The following APOB variants were observed in gnomAD, a reference collection of about 807,000 sequenced individuals.
APOB encodes apolipoprotein B.
Under a neutral mutation model 314.1 loss-of-function variants are expected in APOB, and 153 were observed. That is an observed-to-expected ratio of 0.49 (90% CI 0.43 to 0.56). APOB has a LOEUF of 0.56. APOB is among the 20% of genes least tolerant of loss of function. The pLI, the probability that APOB is intolerant of heterozygous loss-of-function variation, is 0.00. For missense variants in APOB, 5,430 were observed against 5,350.7 expected, an observed-to-expected ratio of 1.01 and a Z score of -0.46; for synonymous variants, 2,087 against 2,036.4, an observed-to-expected ratio of 1.02 and a Z score of -0.67.
chr2:21,016,722 C>G, intron 20 of APOB, 73 bp from the exon 21 acceptor site: 1 of 964,888 alleles, frequency 1.0e-6, no homozygotes, highest in Non-Finnish European at 1.7e-6. Flanking sequence ...CGGTGGCTCA[C>G]ACCTGTAATC....
rs746232881 is a variant in APOB at position 21,012,293 on chromosome 2, G to A, written c.4575C>T (p.Ser1525=). Residue 1525 remains serine (S), a synonymous_variant, in exon 26 of 29, where the codon TCC becomes TCT. Transcript: ENST00000233242. ...TTATCTGGTTGGTGCCTTGGAGGTAGGAGGAGTTAAACCTCAGGTTGGACT... is the reference window on the plus strand; with the variant it reads ...TTATCTGGTTGGTGCCTTGGAGGTAAGAGGAGTTAAACCTCAGGTTGGACT... ...NGESNLRFNS[S]YLQGTNQITG... 2 of 1,614,100 alleles carry A rather than the reference G, an allele frequency of 1.2e-6. No individual in the cohort carries two copies. The highest frequency in any genetic ancestry group is 1.7e-6 in the Non-Finnish European group (2 of 1,180,014).
At chr2:21,004,132 C>T (rs950946342) in intron 28 of APOB, 137 bp downstream of exon 28, 19 of 832,116 alleles carry the variant, frequency 2.3e-5, no homozygotes, top group Middle Eastern at 5.8e-4. Context: ...GAGAATATTT[C>T]CTCAGAGAAG....
At chr2:21,027,784 G>T in intron 14 of APOB, 44 bp downstream of exon 14, 2 of 1,450,884 alleles carry the variant, frequency 1.4e-6, no homozygotes, top group Non-Finnish European at 1.9e-6. Flanking sequence ...TGTTTATGAT[G>T]CTGTACAAAA....
chr2:21,006,755 T>A lies in APOB; in HGVS notation c.10113A>T (p.Ser3371=), dbSNP rs902108099. 1.2e-6 allele frequency: 2 copies of A among 1,614,108 alleles called. No homozygotes were observed. Among genetic ancestry groups the A allele is most frequent in the Non-Finnish European group, 1.7e-6 (2 of 1,179,976 alleles). Residue 3371 remains serine, a synonymous_variant, in exon 26 of 29, where the codon TCA becomes TCT. Coordinates refer to ENST00000233242, the MANE Select transcript of APOB (RefSeq NM_000384.3). The part of the protein sequence containing the change: ...DIVAHLLSSS[S]SVIDALQYKL... ...TGTACTGCAGTGCATCAATGACAGATGAAGATGAAGAAAGGAGATGAGCAA... is the reference window on the plus strand; with the variant it reads ...TGTACTGCAGTGCATCAATGACAGAAGAAGATGAAGAAAGGAGATGAGCAA...
rs1663014493 is a variant in APOB at position 21,002,542 on chromosome 2, C to G, written c.12880G>C (p.Glu4294Gln). 6.2e-7 allele frequency: 1 copy of G among 1,613,956 alleles called. No homozygotes were observed. The highest frequency in any genetic ancestry group is 8.5e-7 in the Non-Finnish European group (1 of 1,179,906). ...FKAIQSLKTTEVLRNLQDLLQ... is the reference protein window; with the variant it reads ...FKAIQSLKTTQVLRNLQDLLQ... ...AGGTCCTGAAGATTACGTAGCACCTCTGTGGTCTTGAGAGACTGAATGGCT... is the reference window on the plus strand; with the variant it reads ...AGGTCCTGAAGATTACGTAGCACCTGTGTGGTCTTGAGAGACTGAATGGCT... The change falls in exon 29 of 29, where the codon GAG (glutamate) becomes CAG (glutamine). Residue 4294 changes from glutamate to glutamine, a missense_variant. Glu to Gln is a conservative substitution (Grantham distance 29). Coordinates refer to ENST00000233242, the MANE Select transcript of APOB (RefSeq NM_000384.3).
rs145957675 is a variant in APOB at position 21,010,450 on chromosome 2, C to T, written c.6418G>A (p.Glu2140Lys). Residue 2140 changes from glutamate to lysine, a missense_variant, in exon 26 of 29, where the codon GAG becomes AAG. Physicochemically the swap from Glu to Lys is moderately conservative, Grantham distance 56. Coordinates refer to ENST00000233242, the MANE Select transcript of APOB (RefSeq NM_000384.3). The stretch of plus-strand genomic sequence containing the variant: ...TTTTTTGTGAGAGCAGTCAGTTTCT[C>T]CTTGGCATGTGAAACTTGTCTCTCC... ...NWERQVSHAK[E>K]KLTALTKKYR... The T allele has an allele frequency of 2.5e-6, 4 of 1,609,012 alleles. No individual in the cohort carries two copies. The highest frequency in any genetic ancestry group is 3.4e-6 in the Non-Finnish European group (4 of 1,176,340).
At position 21,002,396 on chromosome 2, in the gene APOB, T is replaced by C. The variant is rs188585568; in HGVS notation, c.13026A>G (p.Pro4342=). ...EINTIFSDYI[P]YVFKLLKENL... is the part of the protein sequence containing the mutation. ...TTTCTTTCAACAATTTAAAAACATA[T>C]GGGATATAATCACTGAAGATTGTGT... Residue 4342 remains proline (P), a synonymous_variant, in exon 29 of 29, where the codon CCA becomes CCG. Transcript: ENST00000233242. The C allele has an allele frequency of 3.7e-5, 60 of 1,601,320 alleles. No homozygotes were observed. Among genetic ancestry groups the C allele is most frequent in the Non-Finnish European group, 4.9e-5 (58 of 1,173,556 alleles).
intron 19 of APOB, 77 bp from the exon 20 acceptor site, chr2:21,019,190 G>A: frequency 6.4e-7 from 1 of 1,573,592 alleles, no homozygotes; most frequent in Non-Finnish European, 8.7e-7. Context: ...AAACAATTCA[G>A]CCTCAAATGC....
chr2:21,007,748 TGAAAA>T lies in APOB; in HGVS notation c.9115_9119del (p.Phe3039SerfsTer5), dbSNP rs1215189537. ...ATGCCGTGATCTCAAATGGCTGGGC[TGAAAA>T]GAAAAGAGAATTTTTCAAAGTTCCA... On this transcript the variant is annotated frameshift_variant, in exon 26 of 29. Coordinates refer to ENST00000233242, the MANE Select transcript of APOB (RefSeq NM_000384.3). LOFTEE classifies it high-confidence loss of function. 5.6e-6 allele frequency: 9 copies of T among 1,613,952 alleles called. No individual in the cohort carries two copies. Among genetic ancestry groups the T allele is most frequent in the African/African-American group, 1.3e-5 (1 of 74,920 alleles).
intron 20 of APOB, among the ~76,000 whole-genome samples, chr2:21,018,023 C>A (rs982371536): frequency 2.0e-5 from 3 of 152,186 alleles, no homozygotes; most frequent in Non-Finnish European, 4.4e-5. Flanking sequence ...CCTCCAGTAG[C>A]CCTTTCCATC....
intron 18 of APOB, among the ~76,000 whole-genome samples, chr2:21,021,981 G>A (rs549070152): frequency 6.6e-6 from 1 of 152,096 alleles, no homozygotes; most frequent in Non-Finnish European, 1.5e-5. Flanking sequence ...TGTGAGACAG[G>A]ATCTTGCTCT....
chr2:21,021,842 A>G (rs994531054), intron 18 of APOB, among the ~76,000 whole-genome samples: 3 of 152,180 alleles, frequency 2.0e-5, no homozygotes, highest in Non-Finnish European at 4.4e-5. Context: ...CCCTTACTCT[A>G]TGATTACTGC....
At chr2:21,040,724 A>G (rs1186708049) in intron 4 of APOB, among the ~76,000 whole-genome samples, 3 of 152,230 alleles carry the variant, frequency 2.0e-5, no homozygotes, top group African/African-American at 7.2e-5. Flanking sequence ...AGATTTTTAG[A>G]AACACATGAA....
Position 21,007,703 on chromosome 2 carries a change from A to G in APOB, c.9165T>C (p.Asn3055=), listed in dbSNP as rs776566544. 2 of 1,613,978 alleles carry G rather than the reference A, an allele frequency of 1.2e-6. No individual in the cohort carries two copies. The highest frequency in any genetic ancestry group is 1.7e-6 in the Non-Finnish European group (2 of 1,179,968). ...EITASTNNEG[N]LKVRFPLRLT... is the part of the protein sequence containing the mutation. ...ACCTTAATGGAAAACGAACTTTCAAATTCCCTTCATTGTTTGTGGATGCCG... is the reference window on the plus strand; with the variant it reads ...ACCTTAATGGAAAACGAACTTTCAAGTTCCCTTCATTGTTTGTGGATGCCG... Residue 3055 remains asparagine, a synonymous_variant, in exon 26 of 29, where the codon AAT becomes AAC. Transcript: ENST00000233242.
Position 21,002,244 on chromosome 2 carries a change from A to C in APOB, c.13178T>G (p.Ile4393Arg). 1 of 1,614,018 alleles carries C rather than the reference A, an allele frequency of 6.2e-7. No homozygotes were observed. The highest frequency in any genetic ancestry group is 1.7e-5 in the Admixed American group (1 of 60,008). The change falls in exon 29 of 29, where the codon ATA becomes AGA. Residue 4393 changes from isoleucine (I) to arginine (R), a missense_variant. Coordinates refer to ENST00000233242, the MANE Select transcript of APOB (RefSeq NM_000384.3). ...ATAATATTTCACTGTCCAGCCAACT[A>C]TACTTGGATCAAAATATTCTTCACG... ...ALREEYFDPS[I>R]VGWTVKYYEL...
Position 21,006,307 on chromosome 2 carries a change from A to G in APOB, c.10561T>C (p.Leu3521=), listed in dbSNP as rs1228794210. Residue 3521 remains leucine (L), a synonymous_variant, in exon 26 of 29, where the codon TTG becomes CTG. Coordinates refer to ENST00000233242, the MANE Select transcript of APOB (RefSeq NM_000384.3). Reference sequence around the variant, plus strand: ...GAAGACCGTGTGCTCTTGGAATTCAAGTAAGTGTTGGCCTCACTAGCAATA... The same window carrying G: ...GAAGACCGTGTGCTCTTGGAATTCAGGTAAGTGTTGGCCTCACTAGCAATA... ...GTIASEANTY[L]NSKSTRSSVK... The G allele has an allele frequency of 3.1e-6, 5 of 1,614,090 alleles. No individual in the cohort carries two copies. Among genetic ancestry groups the G allele is most frequent in the Non-Finnish European group, 4.2e-6 (5 of 1,179,976 alleles).
intron 4 of APOB, 152 bp downstream of exon 4, chr2:21,040,786 T>G: frequency 3.6e-6 from 3 of 826,482 alleles, no homozygotes; most frequent in Non-Finnish European, 3.8e-6. Context: ...GCTTCTCTCT[T>G]TTTGATGATT....
rs1417267509 is a variant in APOB, at chr2:21,009,750, G to A, written c.7118C>T (p.Thr2373Ile). The A allele has an allele frequency of 6.2e-7, 1 of 1,613,910 alleles. No individual in the cohort carries two copies. ...TAGGACATTGCTTAGCTTCTGAATA[G>A]TCTCCTTCAACTTGTATTGGTGGGC... Reference protein sequence around the residue: ...ELAHQYKLKETIQKLSNVLQQ... With the variant: ...ELAHQYKLKEIIQKLSNVLQQ... Residue 2373 changes from threonine to isoleucine, a missense_variant, in exon 26 of 29, where the codon ACT (threonine) becomes ATT (isoleucine). By Grantham distance (89) the Thr-to-Ile change is moderately conservative. Transcript: ENST00000233242.
rs532360438 is a variant in APOB, at chr2:21,032,668, C to T, written c.1125-87G>A. 3.0e-6 allele frequency: 3 copies of T among 1,010,754 alleles called. No individual in the cohort carries two copies. In the Admixed American group the frequency reaches 6.1e-5, roughly 21 times the overall value. 62.6% of individuals were successfully genotyped at this position (1,010,754 alleles called of 1,614,324 possible). ...CATGGTGTGTCCTCTGCCAGGAGAG[C>T]CCTTAATCACCTCATTCACTATTCA... On this transcript the variant is annotated intron_variant, in intron 9 of 28. Coordinates refer to ENST00000233242, the MANE Select transcript of APOB (RefSeq NM_000384.3).
Sources: allele counts gnomAD v4.1 joint callset (sites outside exome capture counted in the v4.1 genomes callset), GRCh38; gene constraint gnomAD v4.1.1; transcripts MANE v1.5; gene names NCBI Gene and HGNC (gene_info 2026-07-23, HGNC 2026-07-21).